Variants in TEX15 observed in about 807,000 individuals in gnomAD.
The protein encoded by TEX15 is testis expressed 15, meiosis and synapsis associated.
A neutral mutation model predicts 237.3 loss-of-function variants in TEX15; 171 were observed. That is an observed-to-expected ratio of 0.72 (90% CI 0.64 to 0.82). The LOEUF (loss-of-function observed/expected upper bound fraction) is 0.82, where lower values mean the gene tolerates loss of function less well. Ranked by LOEUF, TEX15 falls within the 40% of genes least tolerant of loss-of-function variation. The pLI is 0.00. For synonymous variants in TEX15, 1,338 were observed against 1,269.8 expected (o/e 1.05, Z -1.14); for missense variants, 3,750 against 3,646.5 (o/e 1.03, Z -0.73).
intron 2 of TEX15, among the ~76,000 whole-genome samples, chr8:30,896,859 T>G (rs1808915750): frequency 6.6e-6 from 1 of 152,242 alleles, no homozygotes. Flanking sequence ...CTTCCAGATT[T>G]ATTTTGAAGA....
chr8:30,845,516 A>G lies in TEX15; in HGVS notation c.4651T>C (p.Ser1551Pro), dbSNP rs1407427583. 1.9e-6 allele frequency: 3 copies of G among 1,613,600 alleles called. No individual in the cohort carries two copies. Among genetic ancestry groups the G allele is most frequent in the Non-Finnish European group, 2.5e-6 (3 of 1,179,620 alleles). The change falls in exon 8 of 11, where the codon TCT becomes CCT. Residue 1551 changes from serine to proline, a missense_variant. Ser to Pro is a moderately conservative substitution (Grantham distance 74, BLOSUM62 -1). Coordinates refer to ENST00000643185, the MANE Select transcript of TEX15 (RefSeq NM_001350162.2). ...GAAAACAGATATGCAGTTTTTCCAG[A>G]AAAGGGCTGATGTTCTTCTGATAAA... ...PSLSEEHQPF[S>P]GKTAYLFSPD... is the part of the protein sequence containing the mutation.
intron 3 of TEX15, among the ~76,000 whole-genome samples, chr8:30,882,309 C>T (rs563286292): frequency 1.2e-4 from 18 of 152,170 alleles, no homozygotes; most frequent in African/African-American, 3.9e-4. Flanking sequence ...ATTTATGAGA[C>T]GGAGTCTCGC....
At chr8:30,876,906 G>A (rs1808410383) in intron 3 of TEX15, among the ~76,000 whole-genome samples, 1 of 152,112 alleles carries the variant, frequency 6.6e-6, no homozygotes, top group South Asian at 2.1e-4. Context: ...GAGATAGTGA[G>A]TTTTTACAAG....
chr8:30,867,068 TG>T (rs1303798006), intron 5 of TEX15, among the ~76,000 whole-genome samples, 196 bp downstream of exon 5: 6 of 150,162 alleles, frequency 4.0e-5, no homozygotes, highest in African/African-American at 1.2e-4. Context: ...TTTTTTTTTT[TG>T]CTTTGTGTTG....
Position 30,845,252 on chromosome 8 carries a change from A to C in TEX15, c.4915T>G (p.Cys1639Gly). Residue 1639 changes from cysteine (C) to glycine (G), a missense_variant, in exon 8 of 11, where the codon TGC becomes GGC. Coordinates refer to ENST00000643185, the MANE Select transcript of TEX15 (RefSeq NM_001350162.2). Reference protein sequence around the residue: ...SSTGNDCDATCIGHTKAKTDV... With the variant: ...SSTGNDCDATGIGHTKAKTDV... The stretch of plus-strand genomic sequence containing the variant: ...GTTTTCGCCTTTGTGTGACCTATGC[A>C]AGTTGCATCACAATCGTTGCCTGTA... The C allele has an allele frequency of 1.2e-6, 2 of 1,613,512 alleles. No individual in the cohort carries two copies. The highest frequency in any genetic ancestry group is 1.7e-6 in the Non-Finnish European group (2 of 1,179,548).
rs745812159 is a variant in TEX15, at chr8:30,843,326, T to G, written c.6841A>C (p.Lys2281Gln). 3.4e-5 allele frequency: 54 copies of G among 1,611,760 alleles called. No homozygotes were observed. The highest frequency in any genetic ancestry group is 4.6e-5 in the Non-Finnish European group (54 of 1,179,368). Reference protein sequence around the residue: ...FFDAAKNLVWKERTQSFSKKY... With the variant: ...FFDAAKNLVWQERTQSFSKKY... Reference sequence around the variant, plus strand: ...TTGCTGAAGGATTGTGTTCTCTCTTTCCAAACAAGATTTTTTGCAGCATCA... The same window carrying G: ...TTGCTGAAGGATTGTGTTCTCTCTTGCCAAACAAGATTTTTTGCAGCATCA... The change falls in exon 8 of 11, where the codon AAA (lysine) becomes CAA (glutamine). Residue 2281 changes from lysine to glutamine, a missense_variant. By Grantham distance (53) the Lys-to-Gln change is moderately conservative (BLOSUM62 1). Transcript: ENST00000643185.
chr8:30,910,566 T>C (rs1344191065), intron 1 of TEX15, among the ~76,000 whole-genome samples: 1 of 147,986 alleles, frequency 6.8e-6, no homozygotes, highest in Non-Finnish European at 1.5e-5. Flanking sequence ...CATTTTAGCA[T>C]CCCAAATAGC....
intron 5 of TEX15, among the ~76,000 whole-genome samples, chr8:30,866,809 T>C (rs1343944264): frequency 6.6e-6 from 1 of 151,966 alleles, no homozygotes; most frequent in Non-Finnish European, 1.5e-5. Flanking sequence ...CGTTAACATC[T>C]TACATAACCA....
chr8:30,912,558 C>T (rs1401859891), intron 1 of TEX15, among the ~76,000 whole-genome samples: 2 of 152,178 alleles, frequency 1.3e-5, no homozygotes, highest in African/African-American at 4.8e-5. Context: ...GGGCCAGCTC[C>T]GTGGGGCTCA....
chr8:30,888,596 T>C (rs1356445408), intron 2 of TEX15: 10 of 1,285,652 alleles, frequency 7.8e-6, no homozygotes, highest in South Asian at 4.9e-5. Context: ...CTATGGAGTA[T>C]ACACACAGGG....
Position 30,845,023 on chromosome 8 carries a change from T to G in TEX15, c.5144A>C (p.Tyr1715Ser). ...LNLTLIASKK[Y>S]SIPQLSAAAV... The stretch of plus-strand genomic sequence containing the variant: ...AGCGGCTGATAACTGAGGAATACTG[T>G]ACTTTTTACTTGCTATCAAAGTTAG... The change falls in exon 8 of 11, where the codon TAC becomes TCC. Residue 1715 changes from tyrosine (Y) to serine (S), a missense_variant. Tyr to Ser is a moderately radical substitution (Grantham distance 144, BLOSUM62 -2). Transcript: ENST00000643185. 2 of 1,613,652 alleles carry G rather than the reference T, an allele frequency of 1.2e-6. No homozygotes were observed. Among genetic ancestry groups the G allele is most frequent in the Admixed American group, 1.7e-5 (1 of 60,004 alleles).
intron 7 of TEX15, among the ~76,000 whole-genome samples, chr8:30,856,097 C>T (rs1361094682): frequency 2.0e-5 from 3 of 152,114 alleles, no homozygotes; most frequent in Non-Finnish European, 2.9e-5. Context: ...AGGCGCCTGG[C>T]ACCATGCCCA....
Position 30,859,319 on chromosome 8 carries a change from A to G in TEX15, c.688-489T>C, listed in dbSNP as rs1807985273. On this transcript the variant is annotated intron_variant, in intron 6 of 10. Transcript: ENST00000643185. ...GTGAAATATGACAGATTACTGTTTC[A>G]TCTGATGACTAATACATAAGCCTTT... is the stretch of plus-strand genomic sequence containing the variant. Among the ~76,000 whole-genome samples the G allele has an allele frequency of 2.0e-5, 3 of 152,056 alleles. No homozygotes were observed. In the South Asian group the frequency reaches 6.2e-4, roughly 31 times the overall value.
intron 3 of TEX15, among the ~76,000 whole-genome samples, chr8:30,876,825 T>A (rs186175725): frequency 6.6e-6 from 1 of 152,238 alleles, no homozygotes; most frequent in East Asian, 1.9e-4. Flanking sequence ...GTTCCCATCA[T>A]CTCATGTGTC....
intron 1 of TEX15, among the ~76,000 whole-genome samples, chr8:30,901,104 C>T (rs1308689403): frequency 6.6e-6 from 1 of 152,210 alleles, no homozygotes; most frequent in African/African-American, 2.4e-5. Context: ...TGCCACTGCA[C>T]TCCAGCCTGG....
chr8:30,894,334 A>C (rs1808852011), intron 2 of TEX15, among the ~76,000 whole-genome samples: 1 of 152,202 alleles, frequency 6.6e-6, no homozygotes, highest in African/African-American at 2.4e-5. Flanking sequence ...TCTCTAAAAA[A>C]AATCCGTATT....
At chr8:30,903,569 G>A (rs1044682430) in intron 1 of TEX15, among the ~76,000 whole-genome samples, 2 of 152,180 alleles carry the variant, frequency 1.3e-5, no homozygotes, top group Non-Finnish European at 2.9e-5. Flanking sequence ...TGACTGGCTT[G>A]ACTGAAATAG....
chr8:30,889,938 T>TATATATACATATATATATATACAC (rs1554502292), intron 2 of TEX15, among the ~76,000 whole-genome samples: 6 of 128,156 alleles, frequency 4.7e-5, no homozygotes, highest in African/African-American at 2.1e-4. Context: ...TATATACATA[T>TATATATACATATATATATATACAC]ATATATATAT....
chr8:30,869,324 C>T (rs1585299309), intron 4 of TEX15, among the ~76,000 whole-genome samples: 1 of 151,834 alleles, frequency 6.6e-6, no homozygotes, highest in South Asian at 2.1e-4. Context: ...AAACTGTGCC[C>T]CCAAGAATTA....
Sources: gnomAD v4.1 joint callset for allele counts (sites outside exome capture counted in the v4.1 genomes callset) on GRCh38, gnomAD v4.1.1 for gene constraint, MANE v1.5 for transcripts, NCBI Gene and HGNC (gene_info 2026-07-23, HGNC 2026-07-21) for gene names.